Variants in NCAM1 observed in about 807,000 individuals in gnomAD.
NCAM1 encodes the protein antigen recognized by monoclonal antibody 5.1H11.
A neutral mutation model predicts 109.8 loss-of-function variants in NCAM1; 14 were observed. That is an observed-to-expected ratio of 0.13 (90% CI 0.08 to 0.20). The LOEUF (loss-of-function observed/expected upper bound fraction) is 0.20, where lower values mean the gene tolerates loss of function less well. Among genes scored for constraint, NCAM1 ranks in the 10% least tolerant of loss-of-function variants. NCAM1 has a pLI of 1.00. For synonymous variants in NCAM1, 418 were observed against 442.9 expected (o/e 0.94, Z 0.70); for missense variants, 774 against 1,109.9 (o/e 0.70, Z 4.30).
chr11:113,182,452 G>A (rs1481845452), intron 1 of NCAM1, among the ~76,000 whole-genome samples: 1 of 152,244 alleles, frequency 6.6e-6, no homozygotes, highest in East Asian at 1.9e-4. Flanking sequence ...TGTCTAGAAC[G>A]TGCCTTTTTA....
chr11:113,107,325 G>A (rs1226714521), intron 1 of NCAM1, among the ~76,000 whole-genome samples: 1 of 152,194 alleles, frequency 6.6e-6, no homozygotes, highest in Non-Finnish European at 1.5e-5. Context: ...ATTAGGTGAT[G>A]AGAATTAAAT....
chr11:113,064,039 AT>A (rs1937813597), intron 1 of NCAM1, among the ~76,000 whole-genome samples: 1 of 152,190 alleles, frequency 6.6e-6, no homozygotes, highest in Admixed American at 6.5e-5. Flanking sequence ...TTCCATATCT[AT>A]ATGGACAGGT....
At chr11:113,222,056 A>C (rs1944706994) in intron 9 of NCAM1, among the ~76,000 whole-genome samples, 1 of 152,200 alleles carries the variant, frequency 6.6e-6, no homozygotes, top group African/African-American at 2.4e-5. Context: ...CCACATCTCA[A>C]GACCCTACTT....
At chr11:113,004,288 T>C (rs1951834460) in intron 1 of NCAM1, among the ~76,000 whole-genome samples, 1 of 150,730 alleles carries the variant, frequency 6.6e-6, no homozygotes, top group South Asian at 2.1e-4. Flanking sequence ...AGGTCAGGAG[T>C]TCAAGACCAG....
chr11:113,013,668 G>C (rs1183827139), intron 1 of NCAM1, among the ~76,000 whole-genome samples: 5 of 152,028 alleles, frequency 3.3e-5, no homozygotes, highest in African/African-American at 4.8e-5. Context: ...CAGGATTTTA[G>C]TTTCTTGCAG....
At chr11:113,097,605 CTTTT>C (rs36089828) in intron 1 of NCAM1, among the ~76,000 whole-genome samples, 59 of 142,126 alleles carry the variant, frequency 4.2e-4, no homozygotes, top group South Asian at 1.8e-3. Flanking sequence ...GTGACTTGGG[CTTTT>C]TTTTTTTTTT....
chr11:113,160,764 G>T lies in NCAM1; in HGVS notation c.53-41615G>T, dbSNP rs79147694. 9.4e-3 allele frequency among the ~76,000 whole-genome samples: 1,431 copies of T among 152,152 alleles called. 21 individuals carry two copies. The highest frequency in any genetic ancestry group is 0.04 in the South Asian group (191 of 4,812). On this transcript the variant is annotated intron_variant, in intron 1 of 19. Transcript: ENST00000316851. ...GTTCCAAACAAAGAGGGTCACTGAGGGCTCTGCTTATAGAGTGCAGTTTCT... is the reference window on the plus strand; with the variant it reads ...GTTCCAAACAAAGAGGGTCACTGAGTGCTCTGCTTATAGAGTGCAGTTTCT...
At chr11:113,054,545 C>G (rs1953620286) in intron 1 of NCAM1, among the ~76,000 whole-genome samples, 5 of 152,166 alleles carry the variant, frequency 3.3e-5, no homozygotes, top group Admixed American at 3.3e-4. Context: ...TCAGAAATTA[C>G]TTATAGCCTT....
At chr11:113,032,352 G>A (rs1555078476) in intron 1 of NCAM1, among the ~76,000 whole-genome samples, 1 of 152,108 alleles carries the variant, frequency 6.6e-6, no homozygotes, top group Non-Finnish European at 1.5e-5. Flanking sequence ...GCTTACCACA[G>A]GTCAGCAGGG....
intron 1 of NCAM1, among the ~76,000 whole-genome samples, chr11:112,967,086 C>A (rs1950747211): frequency 6.6e-6 from 1 of 152,168 alleles, no homozygotes; most frequent in Non-Finnish European, 1.5e-5. Flanking sequence ...TTCTATGTAA[C>A]CTATATTCCA....
At chr11:113,058,044 G>A (rs1953776344) in intron 1 of NCAM1, among the ~76,000 whole-genome samples, 1 of 152,092 alleles carries the variant, frequency 6.6e-6, no homozygotes, top group Admixed American at 6.5e-5. Flanking sequence ...CAGCACTTTG[G>A]GAGGCCGAGG....
At chr11:113,195,495 A>ATTTTTTTT (rs561856662) in intron 1 of NCAM1, among the ~76,000 whole-genome samples, 4 of 85,584 alleles carry the variant, frequency 4.7e-5, no homozygotes, top group Non-Finnish European at 6.1e-5. Flanking sequence ...CCCTTAGTAG[A>ATTTTTTTT]TTTTTTTTTT....
chr11:113,090,609 A>G (rs1555089200), intron 1 of NCAM1, among the ~76,000 whole-genome samples: 1 of 152,218 alleles, frequency 6.6e-6, no homozygotes, highest in African/African-American at 2.4e-5. Flanking sequence ...TCAGGTCTGC[A>G]TGTCTGACTT....
intron 1 of NCAM1, among the ~76,000 whole-genome samples, chr11:113,000,803 T>C (rs1468784788): frequency 1.6e-5 from 2 of 124,606 alleles, no homozygotes; most frequent in African/African-American, 6.6e-5. Flanking sequence ...AGGCAACCTA[T>C]AGAATTATAT....
At chr11:113,141,610 C>T (rs1412402527) in intron 1 of NCAM1, among the ~76,000 whole-genome samples, 1 of 152,202 alleles carries the variant, frequency 6.6e-6, no homozygotes, top group Non-Finnish European at 1.5e-5. Context: ...GATTGTGCCA[C>T]TGCACTCCAG....
intron 1 of NCAM1, among the ~76,000 whole-genome samples, chr11:112,991,553 G>A (rs1951458265): frequency 6.6e-6 from 1 of 151,846 alleles, no homozygotes; most frequent in Admixed American, 6.6e-5. Context: ...AGAGATTATT[G>A]AGTTTACCCA....
At chr11:113,027,951 A>C (rs563163292) in intron 1 of NCAM1, among the ~76,000 whole-genome samples, 1 of 152,326 alleles carries the variant, frequency 6.6e-6, no homozygotes, top group East Asian at 1.9e-4. Flanking sequence ...GCACAGAAAG[A>C]CAGCTACTTC....
At chr11:113,069,221 C>T (rs987874668) in intron 1 of NCAM1, among the ~76,000 whole-genome samples, 2 of 152,094 alleles carry the variant, frequency 1.3e-5, no homozygotes, top group East Asian at 3.9e-4. Flanking sequence ...GAAAACGAGG[C>T]ACTCAAACTC....
intron 1 of NCAM1, among the ~76,000 whole-genome samples, chr11:113,055,765 G>A (rs548947283): frequency 4.6e-5 from 7 of 151,790 alleles, no homozygotes; most frequent in South Asian, 4.2e-4. Flanking sequence ...ACATAAGACT[G>A]TAATGTTTGA....
Sources: gnomAD v4.1 joint callset for allele counts (sites outside exome capture counted in the v4.1 genomes callset) on GRCh38, gnomAD v4.1.1 for gene constraint, MANE v1.5 for transcripts, NCBI Gene and HGNC (gene_info 2026-07-23, HGNC 2026-07-21) for gene names.